KCNQ5: variants seen among roughly 807,000 people sequenced by gnomAD.
The protein encoded by KCNQ5 is potassium voltage-gated channel subfamily KQT member 5.
In KCNQ5, 30 loss-of-function variants were observed where a neutral mutation model predicts 98.2. The observed-to-expected ratio is 0.31, with a 90% confidence interval of 0.23 to 0.41. The LOEUF is 0.41. Ranked by LOEUF, KCNQ5 falls within the 10% of genes least tolerant of loss-of-function variation. The pLI is 1.00. For synonymous variants in KCNQ5, 458 were observed against 449.4 expected (o/e 1.02, Z -0.24); for missense variants, 835 against 1,182.5 (o/e 0.71, Z 4.31).
At chr6:72,753,885 C>A (rs1199999967) in intron 1 of KCNQ5, among the ~76,000 whole-genome samples, 1 of 151,958 alleles carries the variant, frequency 6.6e-6, no homozygotes, top group East Asian at 1.9e-4. Flanking sequence ...CTATGACTTG[C>A]CTTTTAATTT....
intron 5 of KCNQ5, among the ~76,000 whole-genome samples, chr6:73,082,196 T>G (rs1247481778): frequency 6.6e-6 from 1 of 152,172 alleles, no homozygotes; most frequent in African/African-American, 2.4e-5. Flanking sequence ...GCCCAGATCC[T>G]CATCCGCCTT....
At chr6:72,795,913 T>C (rs1774309311) in intron 1 of KCNQ5, among the ~76,000 whole-genome samples, 1 of 152,094 alleles carries the variant, frequency 6.6e-6, no homozygotes, top group Non-Finnish European at 1.5e-5. Flanking sequence ...GCTCACTATT[T>C]CTCCTAATTA....
chr6:72,889,671 T>C (rs1778985013), intron 1 of KCNQ5, among the ~76,000 whole-genome samples: 1 of 152,184 alleles, frequency 6.6e-6, no homozygotes. Flanking sequence ...AGAAATATTT[T>C]AGTCAATTAC....
chr6:73,009,839 C>A (rs552478027), intron 2 of KCNQ5, among the ~76,000 whole-genome samples: 1 of 151,894 alleles, frequency 6.6e-6, no homozygotes, highest in East Asian at 1.9e-4. Flanking sequence ...AAATAGAAAC[C>A]GAATAGTGCT....
At chr6:73,133,986 G>T (rs1472667769) in intron 10 of KCNQ5, 7 of 483,048 alleles carry the variant, frequency 1.4e-5, no homozygotes, top group Admixed American at 9.3e-5. Context: ...GACCAGCAAA[G>T]GTCCAAGACC....
intron 1 of KCNQ5, among the ~76,000 whole-genome samples, chr6:72,849,260 G>A (rs189488009): frequency 6.6e-6 from 1 of 152,202 alleles, no homozygotes; most frequent in East Asian, 1.9e-4. Context: ...ACAAGTGCAG[G>A]TATCTTTTTG....
At chr6:73,179,417 T>C (rs1264359105) in intron 11 of KCNQ5, among the ~76,000 whole-genome samples, 1 of 152,178 alleles carries the variant, frequency 6.6e-6, no homozygotes, top group Non-Finnish European at 1.5e-5. Flanking sequence ...CATTAATCCA[T>C]TAACCCATTA....
intron 1 of KCNQ5, among the ~76,000 whole-genome samples, chr6:72,675,760 C>A (rs1031108189): frequency 6.6e-6 from 1 of 152,122 alleles, no homozygotes; most frequent in South Asian, 2.1e-4. Flanking sequence ...TTCTTTTAAA[C>A]TAAGCCTTAG....
intron 11 of KCNQ5, among the ~76,000 whole-genome samples, chr6:73,170,523 G>A (rs1251066510): frequency 6.7e-6 from 1 of 150,238 alleles, no homozygotes; most frequent in East Asian, 1.9e-4. Context: ...TAACCCTTTT[G>A]GGAGAATTTG....
intron 1 of KCNQ5, among the ~76,000 whole-genome samples, chr6:72,789,668 C>T (rs920659735): frequency 6.6e-6 from 1 of 152,072 alleles, no homozygotes; most frequent in African/African-American, 2.4e-5. Flanking sequence ...TAGACATTAT[C>T]ATTTATAAAT....
intron 10 of KCNQ5, among the ~76,000 whole-genome samples, chr6:73,137,985 C>T (rs1434324803): frequency 6.6e-6 from 1 of 152,150 alleles, no homozygotes; most frequent in Non-Finnish European, 1.5e-5. Flanking sequence ...TGCCACTATC[C>T]CATCTTTCTC....
intron 2 of KCNQ5, among the ~76,000 whole-genome samples, chr6:73,041,721 G>A (rs1346004395): frequency 6.6e-6 from 1 of 152,116 alleles, no homozygotes; most frequent in Non-Finnish European, 1.5e-5. Flanking sequence ...GACTTGAAAA[G>A]GAATAGCATT....
chr6:73,004,474 C>T (rs573823579), intron 2 of KCNQ5, among the ~76,000 whole-genome samples: 52 of 152,262 alleles, frequency 3.4e-4, no homozygotes, highest in African/African-American at 1.2e-3. Context: ...TCTTTTCAAC[C>T]AACAGACTGC....
chr6:72,844,486 G>T (rs574226760), intron 1 of KCNQ5, among the ~76,000 whole-genome samples: 1 of 152,132 alleles, frequency 6.6e-6, no homozygotes, highest in Non-Finnish European at 1.5e-5. Context: ...GTATAAAATA[G>T]TAGAATTACT....
chr6:73,167,682 G>T lies in KCNQ5; in HGVS notation c.1469-2064G>T, dbSNP rs550550125. 7.9e-5 allele frequency among the ~76,000 whole-genome samples: 12 copies of T among 152,250 alleles called. No individual in the cohort carries two copies. In the South Asian group the frequency reaches 2.5e-3, roughly 32 times the overall value. On this transcript the variant is annotated intron_variant, in intron 10 of 13. Coordinates refer to ENST00000370398, the MANE Select transcript of KCNQ5 (RefSeq NM_019842.4). ...GTCTATTTGCACTACTATAAAAAAC[G>T]CCTGAGACTGGATAACCAGTAAAGA...
intron 1 of KCNQ5, among the ~76,000 whole-genome samples, chr6:72,803,714 T>C (rs944410516): frequency 2.0e-5 from 3 of 152,186 alleles, no homozygotes; most frequent in Non-Finnish European, 2.9e-5. Context: ...TGCTGTCAGA[T>C]ACTTTTTAGT....
Position 73,047,495 on chromosome 6 carries a change from G to A in KCNQ5, c.616+5433G>A, listed in dbSNP as rs192506076. Reference sequence around the variant, plus strand: ...ACATTAATAAACTATCGGTAATTTAGATAATTGTTGACCTGGTACACAAAC... The same window carrying A: ...ACATTAATAAACTATCGGTAATTTAAATAATTGTTGACCTGGTACACAAAC... On this transcript the variant is annotated intron_variant, in intron 3 of 13. Coordinates refer to ENST00000370398, the MANE Select transcript of KCNQ5 (RefSeq NM_019842.4). 4.4e-4 allele frequency among the ~76,000 whole-genome samples: 67 copies of A among 152,284 alleles called. 1 individual carries two copies. Among genetic ancestry groups the A allele is most frequent in the Admixed American group, 2.4e-3 (37 of 15,310 alleles).
At chr6:73,075,351 T>G (rs1408228375) in intron 3 of KCNQ5, among the ~76,000 whole-genome samples, 1 of 151,972 alleles carries the variant, frequency 6.6e-6, no homozygotes, top group Non-Finnish European at 1.5e-5. Flanking sequence ...GCCTTCCAAG[T>G]AGCTGGGATT....
In KCNQ5 at chr6:73,197,143, A is replaced by G. The variant is rs1765815956; in HGVS notation, c.*1729A>G. On this transcript the variant is annotated 3_prime_UTR_variant, in exon 14 of 14. Coordinates refer to ENST00000370398, the MANE Select transcript of KCNQ5 (RefSeq NM_019842.4). ...CCAATCCTCCCCAGCCCTCCCCAACAGGCTTTCTCCATCATTGACTCTCCC... is the reference window on the plus strand; with the variant it reads ...CCAATCCTCCCCAGCCCTCCCCAACGGGCTTTCTCCATCATTGACTCTCCC... The G allele has an allele frequency of 1.3e-5, 2 of 152,140 alleles. No homozygotes were observed. Among genetic ancestry groups the G allele is most frequent in the Admixed American group, 6.5e-5 (1 of 15,274 alleles). The allele number at this position is 152,140 out of a possible 1,614,324, so 9.4% of individuals were successfully genotyped here. A position where few individuals can be genotyped will look rare whatever the true frequency, so the allele number is the denominator to read the frequency against.
Sources: gnomAD v4.1 joint callset for allele counts (sites outside exome capture counted in the v4.1 genomes callset) on GRCh38, gnomAD v4.1.1 for gene constraint, MANE v1.5 for transcripts, NCBI Gene and HGNC (gene_info 2026-07-23, HGNC 2026-07-21) for gene names.